The following ADIPOR2 variants were observed in gnomAD, a reference collection of about 807,000 sequenced individuals.
ADIPOR2 encodes adiponectin receptor 2, also known as adiponectin receptor protein 2.
In ADIPOR2, 18 loss-of-function variants were observed where a neutral mutation model predicts 40.9. The ratio of observed to expected loss-of-function variants is 0.44; its 90% confidence interval spans 0.30 to 0.65. The LOEUF is 0.65. ADIPOR2 is among the 30% of genes least tolerant of loss of function. The pLI is 0.09. For missense variants in ADIPOR2, 283 were observed against 479.2 expected (o/e 0.59, Z 3.82); for synonymous variants, 165 against 166.4 (o/e 0.99, Z 0.06).
At position 1,777,991 on chromosome 12, in the gene ADIPOR2, C is replaced by T. The variant is rs1862634857; in HGVS notation, c.429C>T (p.His143=). 6.2e-7 allele frequency: 1 copy of T among 1,613,864 alleles called. No homozygotes were observed. Among genetic ancestry groups the T allele is most frequent in the Admixed American group, 1.7e-5 (1 of 59,990 alleles). Residue 143 remains histidine (H), a synonymous_variant, in exon 4 of 8, where the codon CAC becomes CAT. Coordinates refer to ENST00000357103, the MANE Select transcript of ADIPOR2 (RefSeq NM_024551.3). ...GTTTTAAGAGCATTTTCAGAATACA[C>T]ACAGAAACAGGCAACATTTGGACAC... ...RACFKSIFRI[H]TETGNIWTHL...
At chr12:1,769,152 A>G (rs1295391068) in intron 2 of ADIPOR2, among the ~76,000 whole-genome samples, 1 of 152,248 alleles carries the variant, frequency 6.6e-6, no homozygotes, top group Non-Finnish European at 1.5e-5. Flanking sequence ...AATTTCACTC[A>G]TAATAAAATA....
chr12:1,696,939 A>G (rs1363601423), intron 1 of ADIPOR2: 1 of 152,922 alleles, frequency 6.5e-6, no homozygotes, highest in Non-Finnish European at 1.5e-5. Flanking sequence ...TCTTGTCCAT[A>G]ACATAATGGA....
At chr12:1,718,753 T>C (rs2094692396) in intron 1 of ADIPOR2, among the ~76,000 whole-genome samples, 1 of 152,212 alleles carries the variant, frequency 6.6e-6, no homozygotes, top group Non-Finnish European at 1.5e-5. Context: ...TGTGGCAGGC[T>C]TTCACTGTCT....
chr12:1,702,206 T>C (rs891251385), intron 1 of ADIPOR2, among the ~76,000 whole-genome samples: 1 of 152,178 alleles, frequency 6.6e-6, no homozygotes, highest in Non-Finnish European at 1.5e-5. Context: ...TAGAAAAATA[T>C]CAGGTTGTAT....
intron 1 of ADIPOR2, among the ~76,000 whole-genome samples, chr12:1,709,179 T>C (rs1265902527): frequency 6.6e-6 from 1 of 152,226 alleles, no homozygotes; most frequent in East Asian, 1.9e-4. Context: ...GTATTAAATA[T>C]ACAGATCATT....
At chr12:1,723,655 CAAA>C (rs1276458754) in intron 1 of ADIPOR2, among the ~76,000 whole-genome samples, 2 of 150,858 alleles carry the variant, frequency 1.3e-5, no homozygotes, top group Non-Finnish European at 3.0e-5. Context: ...CAAAACAAAA[CAAA>C]ACAAAACAAC....
chr12:1,738,209 CAAAAAAA>C (rs56395738), intron 1 of ADIPOR2, among the ~76,000 whole-genome samples: 1 of 85,610 alleles, frequency 1.2e-5, no homozygotes, highest in South Asian at 3.8e-4. Flanking sequence ...CCTGTCTCTA[CAAAAAAA>C]AAAAAAAAAA....
intron 1 of ADIPOR2, among the ~76,000 whole-genome samples, chr12:1,740,505 C>T (rs2094740418): frequency 6.6e-6 from 1 of 152,146 alleles, no homozygotes; most frequent in Non-Finnish European, 1.5e-5. Context: ...GCCCCCCCAC[C>T]TTGTAACTTC....
At chr12:1,772,181 C>A (rs1424900831) in intron 2 of ADIPOR2, among the ~76,000 whole-genome samples, 1 of 152,176 alleles carries the variant, frequency 6.6e-6, no homozygotes, top group African/African-American at 2.4e-5. Flanking sequence ...TTTCTCTAGA[C>A]AAATCAGTCA....
At chr12:1,753,294 T>C (rs996984380) in intron 1 of ADIPOR2, among the ~76,000 whole-genome samples, 4 of 152,214 alleles carry the variant, frequency 2.6e-5, no homozygotes. Flanking sequence ...ACTAATTGTC[T>C]AAAATAAGCT....
chr12:1,773,516 C>CTTTTTTTTTTTTTTTT (rs34995304), intron 3 of ADIPOR2, among the ~76,000 whole-genome samples: 1 of 123,720 alleles, frequency 8.1e-6, no homozygotes, highest in Non-Finnish European at 1.7e-5. Context: ...TTATGGGATT[C>CTTTTTTTTTTTTTTTT]TTTTTTTTTT....
intron 1 of ADIPOR2, among the ~76,000 whole-genome samples, chr12:1,724,065 T>G (rs1479604437): frequency 6.6e-6 from 1 of 151,566 alleles, no homozygotes; most frequent in Non-Finnish European, 1.5e-5. Flanking sequence ...CACCGCAACC[T>G]CTGCCTCCCG....
chr12:1,740,090 G>A (rs374398540), intron 1 of ADIPOR2, among the ~76,000 whole-genome samples: 1 of 151,816 alleles, frequency 6.6e-6, no homozygotes, highest in Non-Finnish European at 1.5e-5. Context: ...CGACAAGAGC[G>A]AGGCTCCATC....
intron 1 of ADIPOR2, among the ~76,000 whole-genome samples, chr12:1,738,399 GT>G (rs2094735721): frequency 6.6e-6 from 1 of 151,920 alleles, no homozygotes; most frequent in Non-Finnish European, 1.5e-5. Flanking sequence ...ATTTTTAGTA[GT>G]TTCTGTGTTT....
chr12:1,702,191 G>A (rs1048149644), intron 1 of ADIPOR2, among the ~76,000 whole-genome samples: 10 of 152,096 alleles, frequency 6.6e-5, no homozygotes, highest in Admixed American at 2.0e-4. Flanking sequence ...AATCAATTCA[G>A]GAATTAGAAA....
chr12:1,786,847 ATG>A lies in ADIPOR2; in HGVS notation c.*779_*780del, dbSNP rs1316521111. 1 of 152,260 alleles carries A rather than the reference ATG, an allele frequency of 6.6e-6. No homozygotes were observed. 9.4% of individuals were successfully genotyped at this position (152,260 alleles called of 1,614,324 possible). A position where few individuals can be genotyped will look rare whatever the true frequency, so the allele number is the denominator to read the frequency against. ...GAGGCCTGAGGTAGAGGGGAGTGGT[ATG>A]TGTTTTCTCAGTGGAAGCAGCACAT... On this transcript the variant is annotated 3_prime_UTR_variant, in exon 8 of 8. Coordinates refer to ENST00000357103, the MANE Select transcript of ADIPOR2 (RefSeq NM_024551.3).
intron 1 of ADIPOR2, among the ~76,000 whole-genome samples, chr12:1,722,812 C>A (rs950062055): frequency 2.0e-5 from 3 of 152,214 alleles, no homozygotes; most frequent in African/African-American, 7.2e-5. Context: ...CCTTCTGTGA[C>A]ATGAGAGTCC....
intron 1 of ADIPOR2, among the ~76,000 whole-genome samples, chr12:1,753,776 TA>T (rs1862054319): frequency 6.6e-6 from 1 of 152,040 alleles, no homozygotes; most frequent in South Asian, 2.1e-4. Flanking sequence ...CCAGTTATAA[TA>T]TATAAACTTA....
At chr12:1,770,280 G>T (rs964909062) in intron 2 of ADIPOR2, among the ~76,000 whole-genome samples, 2 of 152,158 alleles carry the variant, frequency 1.3e-5, no homozygotes, top group Non-Finnish European at 2.9e-5. Context: ...CATTGATTCG[G>T]AGTGCAGTTT....
Sources: allele counts gnomAD v4.1 joint callset (sites outside exome capture counted in the v4.1 genomes callset), GRCh38; gene constraint gnomAD v4.1.1; transcripts MANE v1.5; gene names NCBI Gene and HGNC (gene_info 2026-07-23, HGNC 2026-07-21).